The following ZNF831 variants were observed in gnomAD, a reference collection of about 807,000 sequenced individuals.
The protein encoded by ZNF831 is chromosome 20 open reading frame 174.
In ZNF831, 59 loss-of-function variants were observed where a neutral mutation model predicts 95.8. The ratio of observed to expected loss-of-function variants is 0.62; its 90% CI spans 0.50 to 0.77. The LOEUF is 0.77. ZNF831 is among the 30% of genes least tolerant of loss of function. The pLI, the probability that ZNF831 is intolerant of heterozygous loss-of-function variation, is 0.00. For missense variants in ZNF831, 2,205 were observed against 2,164.0 expected (o/e 1.02, Z -0.38); for synonymous variants, 961 against 925.5 (o/e 1.04, Z -0.70).
chr20:59,238,725 A>C (rs552989805), intron 4 of ZNF831, among the ~76,000 whole-genome samples: 8 of 152,320 alleles, frequency 5.3e-5, no homozygotes, highest in African/African-American at 1.9e-4. Context: ...CCAAGATGAG[A>C]TCTTATATAC....
chr20:59,167,777 G>C (rs1428922646), intron 1 of ZNF831, among the ~76,000 whole-genome samples: 1 of 152,042 alleles, frequency 6.6e-6, no homozygotes, highest in Non-Finnish European at 1.5e-5. Context: ...AGTTGGCTGA[G>C]GCAGGAGAAT....
chr20:59,253,227 A>G, intron 5 of ZNF831, 89 bp downstream of exon 5: 2 of 1,462,452 alleles, frequency 1.4e-6, no homozygotes, highest in Non-Finnish European at 9.3e-7. Context: ...TCAGTGTGGC[A>G]GAACTTGCTC....
At chr20:59,164,717 A>G (rs1355913531) in intron 1 of ZNF831, among the ~76,000 whole-genome samples, 1 of 152,210 alleles carries the variant, frequency 6.6e-6, no homozygotes, top group Non-Finnish European at 1.5e-5. Context: ...GCATTTTTCA[A>G]TGAGATTTAC....
intron 1 of ZNF831, among the ~76,000 whole-genome samples, chr20:59,178,125 G>A (rs1432818211): frequency 1.3e-5 from 2 of 152,222 alleles, no homozygotes; most frequent in Non-Finnish European, 2.9e-5. Context: ...TAGCTGTGAG[G>A]GCCATGTGGG....
intron 4 of ZNF831, among the ~76,000 whole-genome samples, chr20:59,237,377 C>T (rs552660164): frequency 1.7e-4 from 26 of 152,282 alleles, no homozygotes; most frequent in Admixed American, 7.8e-4. Flanking sequence ...GACAGGGTCT[C>T]GCTCTGTCAC....
At position 59,192,761 on chromosome 20, in the gene ZNF831, C is replaced by T. The variant is rs772673267; in HGVS notation, c.1742C>T (p.Pro581Leu). Reference sequence around the variant, plus strand: ...ACCCCCATTGGCGATGCCCTGGTGCCCGCAGAGGACACAGACGCAAAGAGA... The same window carrying T: ...ACCCCCATTGGCGATGCCCTGGTGCTCGCAGAGGACACAGACGCAAAGAGA... The part of the protein sequence containing the change: ...PGTPIGDALV[P>L]AEDTDAKRTA... The change falls in exon 2 of 6, where the codon CCC (proline) becomes CTC (leucine). Residue 581 changes from proline to leucine, a missense_variant. Pro to Leu is a moderately conservative substitution (Grantham distance 98). Coordinates refer to ENST00000371030, the MANE Select transcript of ZNF831 (RefSeq NM_178457.3). The surrounding 1 kb of genome is among the most constrained non-coding windows in gnomAD (Gnocchi z 5.2). 1.2e-6 allele frequency: 2 copies of T among 1,612,282 alleles called. No individual in the cohort carries two copies. Among genetic ancestry groups the T allele is most frequent in the Non-Finnish European group, 8.5e-7 (1 of 1,179,756 alleles).
intron 1 of ZNF831, among the ~76,000 whole-genome samples, chr20:59,180,578 T>C (rs572543168): frequency 6.6e-6 from 1 of 152,100 alleles, no homozygotes; most frequent in East Asian, 1.9e-4. Context: ...CCTGTGTACA[T>C]GTGTTCTCAT....
At chr20:59,198,297 G>A (rs556636854) in intron 3 of ZNF831, among the ~76,000 whole-genome samples, 1 of 152,336 alleles carries the variant, frequency 6.6e-6, no homozygotes, top group East Asian at 1.9e-4. Context: ...CACATAATTA[G>A]ATGTAAAGAT....
chr20:59,203,761 C>T (rs1396764998), intron 3 of ZNF831, among the ~76,000 whole-genome samples: 1 of 152,018 alleles, frequency 6.6e-6, no homozygotes, highest in Non-Finnish European at 1.5e-5. Flanking sequence ...TGGTTGTTTT[C>T]ATTAACAAAA....
chr20:59,226,094 C>T (rs1055114910), intron 4 of ZNF831, among the ~76,000 whole-genome samples: 14 of 152,106 alleles, frequency 9.2e-5, no homozygotes, highest in African/African-American at 3.1e-4. Flanking sequence ...TGCCTGGCCC[C>T]GAACCTTCTA....
In ZNF831 at chr20:59,194,622, G is replaced by A. The variant is rs1568759965; in HGVS notation, c.3603G>A (p.Lys1201=). 2 of 1,613,590 alleles carry A rather than the reference G, an allele frequency of 1.2e-6. No individual in the cohort carries two copies. The highest frequency in any genetic ancestry group is 2.2e-5 in the East Asian group (1 of 44,876). The change falls in exon 2 of 6, where the codon AAG becomes AAA. Residue 1201 remains lysine (K), a synonymous_variant. Transcript: ENST00000371030. ...CTCTGCCCGCGGAGCAGAAGGCAAAGGCGGCATCTGTGTACTTGGCGGTGC... is the reference window on the plus strand; with the variant it reads ...CTCTGCCCGCGGAGCAGAAGGCAAAAGCGGCATCTGTGTACTTGGCGGTGC... ...SVPLPAEQKA[K]AASVYLAVHF...
At chr20:59,141,504 C>G (rs971190233) in intron 1 of ZNF831, among the ~76,000 whole-genome samples, 1 of 152,180 alleles carries the variant, frequency 6.6e-6, no homozygotes, top group African/African-American at 2.4e-5. Flanking sequence ...TGCTTTTGCA[C>G]CTTTGTCAAA....
chr20:59,192,891 G>C lies in ZNF831; in HGVS notation c.1872G>C (p.Gly624=), dbSNP rs374469058. Reference sequence around the variant, plus strand: ...CCCAGGAGAAGTGGCAGGTGTACGGGGATGAGACGTTCAAAAGGATCTACC... The same window carrying C: ...CCCAGGAGAAGTGGCAGGTGTACGGCGATGAGACGTTCAAAAGGATCTACC... ...MFSQEKWQVY[G]DETFKRIYQK... is the part of the protein sequence containing the mutation. The change falls in exon 2 of 6, where the codon GGG becomes GGC. Residue 624 remains glycine (G), a synonymous_variant. Transcript: ENST00000371030. This position sits in a 1 kb window ranked among gnomAD's most constrained non-coding sequence, Gnocchi z 5.2. 5.0e-6 allele frequency: 8 copies of C among 1,596,770 alleles called. No homozygotes were observed. The African/African-American group carries it at 9.4e-5, about 19-fold the overall frequency.
chr20:59,157,278 CG>C (rs1255479346), intron 2 of ZNF831, among the ~76,000 whole-genome samples: 1 of 152,056 alleles, frequency 6.6e-6, no homozygotes, highest in Non-Finnish European at 1.5e-5. Context: ...CACAAATGAG[CG>C]AGAAAGAAGA....
chr20:59,199,119 CTATCTATCT>C (rs1275677417), intron 3 of ZNF831, among the ~76,000 whole-genome samples: 2 of 120,104 alleles, frequency 1.7e-5, no homozygotes, highest in African/African-American at 6.3e-5. Context: ...ATCTATCTAT[CTATCTATCT>C]ATCTATCACG....
chr20:59,159,651 G>A (rs938529351), upstream of ZNF831: 1 of 152,222 alleles, frequency 6.6e-6, no homozygotes, highest in Non-Finnish European at 1.5e-5. Context: ...CCCTCGCACA[G>A]GGCTGGTGAT....
At chr20:59,134,892 G>A (rs995967001) in intron 1 of ZNF831, among the ~76,000 whole-genome samples, 1 of 152,164 alleles carries the variant, frequency 6.6e-6, no homozygotes, top group Admixed American at 6.5e-5. Context: ...ACCTGGCTTA[G>A]AGGGTTGTGG....
At chr20:59,125,898 G>A (rs996480891) in intron 1 of ZNF831, among the ~76,000 whole-genome samples, 1 of 152,122 alleles carries the variant, frequency 6.6e-6, no homozygotes, top group African/African-American at 2.4e-5. Context: ...CGTGAGAGCA[G>A]GATTGAGAGC....
intron 4 of ZNF831, among the ~76,000 whole-genome samples, chr20:59,244,061 A>G (rs762632327): frequency 3.3e-5 from 5 of 152,212 alleles, no homozygotes; most frequent in Admixed American, 1.3e-4. Context: ...TTTTAAGCAT[A>G]CTTTCCCCAC....
Sources: gnomAD v4.1 joint callset for allele counts (sites outside exome capture counted in the v4.1 genomes callset) on GRCh38, gnomAD v4.1.1 for gene constraint, Gnocchi (gnomAD v3.1) non-coding constraint, MANE v1.5 for transcripts, NCBI Gene and HGNC (gene_info 2026-07-23, HGNC 2026-07-21) for gene names.